Variants in EML1 observed in about 807,000 individuals in gnomAD.
The protein encoded by EML1 is EMAP like 1.
EML1 carries 27 observed loss-of-function variants against 110.4 expected under a neutral mutation model. The ratio of observed to expected loss-of-function variants is 0.24; its 90% CI spans 0.18 to 0.34. The LOEUF (loss-of-function observed/expected upper bound fraction) is 0.34. EML1 is among the 10% of genes least tolerant of loss of function. The probability of loss-of-function intolerance (pLI) is 1.00; values close to 1 mark genes in which losing one functional copy is unlikely to be tolerated. For missense variants in EML1, 741 were observed against 1,030.9 expected (o/e 0.72, Z 3.85); for synonymous variants, 344 against 385.8 (o/e 0.89, Z 1.27).
chr14:99,796,899 TTGTGTGTGTATGTG>T (rs2057785148), intron 1 of EML1, among the ~76,000 whole-genome samples: 1 of 135,914 alleles, frequency 7.4e-6, no homozygotes, highest in East Asian at 2.6e-4. Context: ...GTCTAAATCT[TTGTGTGTGTATGTG>T]TGTGTGTGTG....
chr14:99,920,806 C>T lies in EML1; in HGVS notation c.1838C>T (p.Thr613Ile). The T allele has an allele frequency of 6.2e-7, 1 of 1,613,324 alleles. No homozygotes were observed. The highest frequency in any genetic ancestry group is 8.5e-7 in the Non-Finnish European group (1 of 1,179,772). The change falls in exon 17 of 22, where the codon ACA becomes ATA. Residue 613 changes from threonine to isoleucine, a missense_variant. Coordinates refer to ENST00000262233, the MANE Select transcript of EML1 (RefSeq NM_004434.3). ...GATAACAGGTGGTTTGTGTTTGACACAGAAACAAAAGACTTGGTCACCGTT... is the reference window on the plus strand; with the variant it reads ...GATAACAGGTGGTTTGTGTTTGACATAGAAACAAAAGACTTGGTCACCGTT... ...TLTGRWFVFD[T>I]ETKDLVTVHT...
At chr14:99,830,205 A>G (rs554721810) in intron 1 of EML1, among the ~76,000 whole-genome samples, 5 of 152,274 alleles carry the variant, frequency 3.3e-5, no homozygotes, top group Non-Finnish European at 7.4e-5. Context: ...GTGAAGGAGT[A>G]GCTCATTATG....
rs2057581046 is a variant in EML1, at chr14:99,784,834, A to G, written c.-27+10821A>G. 6.6e-6 allele frequency among the ~76,000 whole-genome samples: 1 copy of G among 152,224 alleles called. No homozygotes were observed. The highest frequency in any genetic ancestry group is 2.4e-5 in the African/African-American group (1 of 41,454). On this transcript the variant is annotated intron_variant, in intron 1 of 22. Coordinates refer to the EML1 transcript ENST00000327921. This position sits in a 1 kb window ranked among gnomAD's most constrained non-coding sequence, Gnocchi z 4.5. ...CTGTGTGAGGCTCCCAGCCAGGGGC[A>G]TGGCCAAGGAGCTCACAGACTGAGT...
intron 17 of EML1, 142 bp downstream of exon 17, chr14:99,921,019 C>CA: frequency 1.4e-6 from 1 of 702,134 alleles, no homozygotes; most frequent in Non-Finnish European, 2.3e-6. Flanking sequence ...ACCCATCACC[C>CA]ACGTATTAAG....
At chr14:99,833,437 C>G (rs1432607923) in intron 1 of EML1, among the ~76,000 whole-genome samples, 1 of 152,118 alleles carries the variant, frequency 6.6e-6, no homozygotes, top group African/African-American at 2.4e-5. Context: ...CAGCTTTGCT[C>G]TTTTTCAAAG....
At chr14:99,854,970 C>T (rs1168715845) in intron 2 of EML1, among the ~76,000 whole-genome samples, 2 of 152,120 alleles carry the variant, frequency 1.3e-5, no homozygotes, top group African/African-American at 4.8e-5. Context: ...GAATTCATTG[C>T]AGCACTGTGC....
At chr14:99,917,639 A>G (rs777058589) in intron 15 of EML1, 143 bp from the exon 16 acceptor site, 3 of 771,562 alleles carry the variant, frequency 3.9e-6, no homozygotes, top group Non-Finnish European at 6.1e-6. Context: ...TTTTCTCTAG[A>G]AAAGAGACTT....
chr14:99,770,511 C>T (rs2057414352), upstream of EML1, among the ~76,000 whole-genome samples: 4 of 152,042 alleles, frequency 2.6e-5, no homozygotes, highest in South Asian at 8.3e-4. Context: ...CCCAAAGGCT[C>T]ACCTCGAAAT....
intron 1 of EML1, among the ~76,000 whole-genome samples, chr14:99,812,806 G>T (rs958849855): frequency 2.6e-5 from 4 of 152,192 alleles, no homozygotes; most frequent in African/African-American, 9.7e-5. Context: ...GCTGCCAACA[G>T]CTTTGGTGCA....
At chr14:99,807,389 G>C (rs1296787584) in intron 1 of EML1, among the ~76,000 whole-genome samples, 1 of 152,172 alleles carries the variant, frequency 6.6e-6, no homozygotes, top group Non-Finnish European at 1.5e-5. Context: ...GGCGATTCTA[G>C]AGAGTCCTGG....
chr14:99,825,143 T>C (rs890287717), intron 1 of EML1, among the ~76,000 whole-genome samples: 1 of 152,028 alleles, frequency 6.6e-6, no homozygotes, highest in Non-Finnish European at 1.5e-5. Flanking sequence ...GCCACTATGC[T>C]CGGCTAGTTT....
intron 1 of EML1, among the ~76,000 whole-genome samples, chr14:99,759,239 A>T (rs2057288746): frequency 1.3e-5 from 2 of 152,236 alleles, no homozygotes; most frequent in African/African-American, 4.8e-5. Flanking sequence ...TGAGCACAGC[A>T]GTCAGCCCTC....
chr14:99,880,625 G>T, intron 4 of EML1, among the ~76,000 whole-genome samples: 1 of 152,178 alleles, frequency 6.6e-6, no homozygotes, highest in Middle Eastern at 3.2e-3. Context: ...CATGTCCATT[G>T]TTCCTGCAGG....
intron 1 of EML1, among the ~76,000 whole-genome samples, chr14:99,842,468 T>C (rs200028573): frequency 3.0e-5 from 2 of 65,610 alleles, no homozygotes; most frequent in Non-Finnish European, 8.2e-5. Context: ...AGAAAATCCA[T>C]TACAGGTTAA....
At chr14:99,742,704 C>T (rs112517822) in intron 1 of EML1, among the ~76,000 whole-genome samples, 1 of 152,054 alleles carries the variant, frequency 6.6e-6, no homozygotes, top group South Asian at 2.1e-4. Context: ...TTGTGGAGTG[C>T]GTGGAGGGCT....
intron 1 of EML1, among the ~76,000 whole-genome samples, chr14:99,799,743 T>C (rs536385172): frequency 2.0e-5 from 3 of 152,372 alleles, no homozygotes; most frequent in South Asian, 4.1e-4. Context: ...TCTGGGATAG[T>C]GTAAACCTTT....
At chr14:99,826,970 C>T (rs928305229) in intron 1 of EML1, among the ~76,000 whole-genome samples, 1 of 152,174 alleles carries the variant, frequency 6.6e-6, no homozygotes, top group Non-Finnish European at 1.5e-5. Context: ...TCAGTAAACT[C>T]ATCCATTAAT....
intron 2 of EML1, among the ~76,000 whole-genome samples, chr14:99,860,539 T>C (rs1566903323): frequency 6.6e-6 from 1 of 152,216 alleles, no homozygotes; most frequent in Non-Finnish European, 1.5e-5. Context: ...CCAGGTTTTC[T>C]TACCGCAGCG....
At chr14:99,847,072 A>AAAAATTT (rs148467296) in intron 1 of EML1, among the ~76,000 whole-genome samples, 1 of 151,708 alleles carries the variant, frequency 6.6e-6, no homozygotes, top group Non-Finnish European at 1.5e-5. Flanking sequence ...TCATTTGATT[A>AAAAATTT]TTCTAATTTC....
Sources: allele counts gnomAD v4.1 joint callset (sites outside exome capture counted in the v4.1 genomes callset), GRCh38; gene constraint gnomAD v4.1.1; non-coding constraint Gnocchi (gnomAD v3.1); transcripts MANE v1.5; gene names NCBI Gene and HGNC (gene_info 2026-07-23, HGNC 2026-07-21).